The following NCAPD3 variants were observed in gnomAD, a reference collection of about 807,000 sequenced individuals.
The protein encoded by NCAPD3 is condensin-2 complex subunit D3.
Under a neutral mutation model 182.9 loss-of-function variants are expected in NCAPD3, and 105 were observed. That is an observed-to-expected ratio of 0.57 (90% confidence interval 0.49 to 0.68). The LOEUF is 0.68. Ranked by LOEUF, NCAPD3 falls within the 30% of genes least tolerant of loss-of-function variation. The pLI, the probability that NCAPD3 is intolerant of heterozygous loss-of-function variation, is 0.00. For missense variants in NCAPD3, 1,944 were observed against 1,837.0 expected, an observed-to-expected ratio of 1.06 and a Z score of -1.07; for synonymous variants, 815 against 679.9, an observed-to-expected ratio of 1.20 and a Z score of -3.09.
In NCAPD3 at chr11:134,203,885, G is replaced by T; in HGVS notation, c.1237C>A (p.Leu413Ile). 6.2e-7 allele frequency: 1 copy of T among 1,613,968 alleles called. No homozygotes were observed. Among genetic ancestry groups the T allele is most frequent in the East Asian group, 2.2e-5 (1 of 44,878 alleles). The change falls in exon 11 of 35, where the codon CTT becomes ATT. Residue 413 changes from leucine (L) to isoleucine (I), a missense_variant. Physicochemically the swap from Leu to Ile is conservative, Grantham distance 5. Transcript: ENST00000534548. Reference protein sequence around the residue: ...SSKIPHRVFTLDVVLALLELP... With the variant: ...SSKIPHRVFTIDVVLALLELP... Reference sequence around the variant, plus strand: ...TCTAACAGAGCTAAGACAACATCAAGAGTAAAAACCCGGTGTGGGATCTGG... The same window carrying T: ...TCTAACAGAGCTAAGACAACATCAATAGTAAAAACCCGGTGTGGGATCTGG...
intron 3 of NCAPD3, among the ~76,000 whole-genome samples, chr11:134,214,323 T>C (rs1253188093): frequency 6.9e-6 from 1 of 145,074 alleles, no homozygotes. Flanking sequence ...CTCAGAGATG[T>C]AAGTAATGAC....
rs1215333381 is a variant in NCAPD3 at position 134,194,098 on chromosome 11, A to C, written c.1742T>G (p.Leu581Arg). The change falls in exon 15 of 35, where the codon CTG (leucine) becomes CGG (arginine). Residue 581 changes from leucine (L) to arginine (R), a missense_variant. Physicochemically the swap from Leu to Arg is moderately radical, Grantham distance 102 (BLOSUM62 -2). Around this residue, in one of 3 missense-constraint regions of NCAPD3, gnomAD observed 1,803 missense variants for 1,674.6 expected, o/e 1.08. Transcript: ENST00000534548. ...HCDVSGMKED[L>R]WILQDQCRDP... Reference sequence around the variant, plus strand: ...CCGACACTGGTCCTGCAGAATCCACAGGTCTTCCTTCATGCCTGAGACATC... The same window carrying C: ...CCGACACTGGTCCTGCAGAATCCACCGGTCTTCCTTCATGCCTGAGACATC... The C allele has an allele frequency of 6.2e-7, 1 of 1,614,068 alleles. No homozygotes were observed. The highest frequency in any genetic ancestry group is 2.2e-5 in the East Asian group (1 of 44,892).
intron 19 of NCAPD3, 67 bp downstream of exon 19, chr11:134,184,570 A>G: frequency 2.6e-6 from 3 of 1,159,848 alleles, no homozygotes; most frequent in African/African-American, 1.5e-5. Context: ...CTCACACTTC[A>G]AAACACATAC....
intron 24 of NCAPD3, 85 bp from the exon 25 acceptor site, chr11:134,169,139 A>G (rs1193636277): frequency 1.4e-6 from 2 of 1,396,440 alleles, no homozygotes; most frequent in Non-Finnish European, 1.9e-6. Flanking sequence ...TGCTGAGCAG[A>G]GGAGAGCTGT....
Position 134,158,010 on chromosome 11 carries a change from T to C in NCAPD3, c.4092A>G (p.Ser1364=). ...AGCTCCGACTCCGATGCCTGCTCTT[T>C]GACTCCACGGCTTTCTTGACAGAAT... ...ILNSVKKAVE[S]KSRHRSRSLG... is the part of the protein sequence containing the mutation. The change falls in exon 31 of 35, where the codon TCA becomes TCG. Residue 1364 remains serine, a synonymous_variant. Coordinates refer to ENST00000534548, the MANE Select transcript of NCAPD3 (RefSeq NM_015261.3). 5 of 1,614,178 alleles carry C rather than the reference T, an allele frequency of 3.1e-6. No individual in the cohort carries two copies. The highest frequency in any genetic ancestry group is 2.2e-5 in the East Asian group (1 of 44,880).
At chr11:134,175,333 G>A (rs1944135779) in intron 24 of NCAPD3, among the ~76,000 whole-genome samples, 1 of 152,240 alleles carries the variant, frequency 6.6e-6, no homozygotes, top group African/African-American at 2.4e-5. Flanking sequence ...AGTCAGTATA[G>A]TGGACACGTT....
In NCAPD3 at chr11:134,205,411, G is replaced by T. The variant is rs560302401; in HGVS notation, c.1017-440C>A. ...TTTTTTTTTTTGTAGATGGAGTTTT[G>T]CTCTTGTCGCTCAGGCTGGAGCGCA... On this transcript the variant is annotated intron_variant, in intron 8 of 34. Coordinates refer to ENST00000534548, the MANE Select transcript of NCAPD3 (RefSeq NM_015261.3). 1.7e-4 allele frequency among the ~76,000 whole-genome samples: 24 copies of T among 141,424 alleles called. No individual in the cohort carries two copies. The East Asian group carries it at 4.3e-3, about 25-fold the overall frequency. 92.8% of individuals were successfully genotyped at this position (141,424 alleles called of 152,430 possible). A position where few individuals can be genotyped will look rare whatever the true frequency, so the allele number is the denominator to read the frequency against.
intron 3 of NCAPD3, 151 bp downstream of exon 3, chr11:134,216,785 T>G: frequency 1.5e-6 from 1 of 675,478 alleles, no homozygotes; most frequent in Non-Finnish European, 2.3e-6. Flanking sequence ...TGCCATGTAC[T>G]TTAGAGACTT....
chr11:134,202,222 T>G (rs553705202), intron 13 of NCAPD3, among the ~76,000 whole-genome samples: 2 of 152,250 alleles, frequency 1.3e-5, no homozygotes, highest in Non-Finnish European at 2.9e-5. Context: ...TGTCTCTCTC[T>G]CTTTAAATCA....
intron 19 of NCAPD3, among the ~76,000 whole-genome samples, chr11:134,184,308 T>C (rs1009817053): frequency 1.3e-5 from 2 of 152,210 alleles, no homozygotes; most frequent in Admixed American, 6.5e-5. Flanking sequence ...TAAGTGTTCT[T>C]GGAATGAGAG....
In NCAPD3 at chr11:134,222,404, C is replaced by A. The variant is rs563486218; in HGVS notation, c.64+1459G>T. Among the ~76,000 whole-genome samples, 241 of 152,090 alleles carry A rather than the reference C, an allele frequency of 1.6e-3. 1 individual carries two copies. The highest frequency in any genetic ancestry group is 2.5e-3 in the Non-Finnish European group (171 of 67,984). ...TCTCAACATTTCACACTTAGGATAC[C>A]AAAAAAAGCAGCCTATGATAGAAGA... On this transcript the variant is annotated intron_variant, in intron 1 of 34. Transcript: ENST00000534548.
At chr11:134,183,067 C>A (rs1295879162) in intron 19 of NCAPD3, 3 of 455,870 alleles carry the variant, frequency 6.6e-6, no homozygotes, top group Non-Finnish European at 1.3e-5. Context: ...AACCACCGTC[C>A]TAATGGCCCT....
chr11:134,165,864 T>G (rs1333524507), intron 27 of NCAPD3, among the ~76,000 whole-genome samples: 1 of 87,656 alleles, frequency 1.1e-5, no homozygotes, highest in South Asian at 4.2e-4. Flanking sequence ...TTAGGGGAGC[T>G]GCACACTCAC....
intron 20 of NCAPD3, 116 bp downstream of exon 20, chr11:134,180,961 G>A (rs1357359322): frequency 3.7e-5 from 26 of 698,266 alleles, no homozygotes. Context: ...TAAGCTCTAG[G>A]CTAAGACAGC....
chr11:134,224,043 C>G, upstream of NCAPD3: 1 of 1,271,216 alleles, frequency 7.9e-7, no homozygotes, highest in South Asian at 1.3e-5. Flanking sequence ...ACTGGCCAAC[C>G]ACCGCGCCGA....
intron 3 of NCAPD3, 125 bp downstream of exon 3, chr11:134,216,811 T>C (rs1427476098): frequency 2.2e-6 from 2 of 904,106 alleles, no homozygotes; most frequent in East Asian, 2.8e-5. Flanking sequence ...TCGCAACAAC[T>C]CTCTGCCATG....
chr11:134,166,427 G>A (rs1382091012), intron 27 of NCAPD3, among the ~76,000 whole-genome samples: 2 of 6,198 alleles, frequency 3.2e-4, no homozygotes, highest in Admixed American at 1.0e-3. Context: ...TTGGGGGAGG[G>A]GCACACTCAC....
chr11:134,165,869 ACT>A (rs1465420757), intron 27 of NCAPD3, among the ~76,000 whole-genome samples: 4 of 121,376 alleles, frequency 3.3e-5, no homozygotes, highest in East Asian at 2.8e-4. Flanking sequence ...GGAGCTGCAC[ACT>A]CACTAGTGAG....
At chr11:134,168,258 T>C (rs1219187362) in intron 26 of NCAPD3, 63 bp from the exon 27 acceptor site, 1 of 1,523,502 alleles carries the variant, frequency 6.6e-7, no homozygotes, top group South Asian at 1.1e-5. Context: ...AGAGAGGAGG[T>C]GTAATTCCCA....
Sources: allele counts gnomAD v4.1 joint callset (sites outside exome capture counted in the v4.1 genomes callset), GRCh38; gene constraint gnomAD v4.1.1; regional missense constraint gnomAD v4.1.1; transcripts MANE v1.5; gene names NCBI Gene and HGNC (gene_info 2026-07-23, HGNC 2026-07-21).